The following RPS6KA2 variants were observed in gnomAD, a reference collection of about 807,000 sequenced individuals.
The protein encoded by RPS6KA2 is ribosomal protein S6 kinase alpha-2.
A neutral mutation model predicts 91.8 loss-of-function variants in RPS6KA2; 42 were observed. That is an observed-to-expected ratio of 0.46 (90% CI 0.36 to 0.59). The LOEUF (loss-of-function observed/expected upper bound fraction) is 0.59, where lower values mean the gene tolerates loss of function less well. Ranked by LOEUF, RPS6KA2 falls within the 20% of genes least tolerant of loss-of-function variation. The probability of loss-of-function intolerance (pLI) is 0.00; values close to 1 mark genes in which losing one functional copy is unlikely to be tolerated. For synonymous variants in RPS6KA2, 414 were observed against 393.6 expected, an observed-to-expected ratio of 1.05 and a Z score of -0.61; for missense variants, 798 against 978.5, an observed-to-expected ratio of 0.82 and a Z score of 2.46.
intron 2 of RPS6KA2, among the ~76,000 whole-genome samples, chr6:166,836,641 C>T (rs1385825619): frequency 6.6e-6 from 1 of 152,216 alleles, no homozygotes; most frequent in Non-Finnish European, 1.5e-5. Context: ...CTCACACACA[C>T]TGTCCACTCT....
At chr6:166,724,139 TGTATGA>T (rs1240498939) in intron 2 of RPS6KA2, among the ~76,000 whole-genome samples, 3 of 152,244 alleles carry the variant, frequency 2.0e-5, no homozygotes, top group Non-Finnish European at 4.4e-5. Context: ...GACATATGTA[TGTATGA>T]GTATATCAAA....
At chr6:166,661,898 A>G (rs1299785719) in intron 2 of RPS6KA2, among the ~76,000 whole-genome samples, 5 of 152,186 alleles carry the variant, frequency 3.3e-5, no homozygotes, top group Non-Finnish European at 7.3e-5. Context: ...TTCTTTACCC[A>G]TAGCCAACTT....
chr6:166,701,586 T>TA, intron 2 of RPS6KA2: 1 of 1,365,178 alleles, frequency 7.3e-7, no homozygotes, highest in Admixed American at 1.7e-5. Context: ...CTCTGACTGA[T>TA]AGAGCCGGGA....
chr6:166,817,108 T>C (rs1779785319), intron 2 of RPS6KA2, among the ~76,000 whole-genome samples: 1 of 152,168 alleles, frequency 6.6e-6, no homozygotes, highest in African/African-American at 2.4e-5. Flanking sequence ...TGAAAAGGAA[T>C]AGAGAAAATA....
At chr6:166,862,479 G>C in exon 1 of RPS6KA2, 1 of 868,970 alleles carries the variant, frequency 1.2e-6, no homozygotes, top group Non-Finnish European at 1.6e-6. Flanking sequence ...AGGAAAGGAG[G>C]GGACGGCGCT....
intron 2 of RPS6KA2, among the ~76,000 whole-genome samples, chr6:166,707,578 A>G (rs573377209): frequency 6.6e-6 from 1 of 152,302 alleles, no homozygotes; most frequent in South Asian, 2.1e-4. Context: ...GAAGGAGTGC[A>G]GAATCAAGGC....
chr6:166,436,294 C>T (rs562205420), intron 14 of RPS6KA2, among the ~76,000 whole-genome samples: 34 of 143,296 alleles, frequency 2.4e-4, no homozygotes, highest in East Asian at 6.2e-4. Flanking sequence ...AGCAGTAGAG[C>T]GTGTTTCAGT....
intron 6 of RPS6KA2, among the ~76,000 whole-genome samples, chr6:166,504,194 G>A (rs922941950): frequency 5.9e-5 from 9 of 152,238 alleles, no homozygotes; most frequent in African/African-American, 2.2e-4. Flanking sequence ...GGTCAGGGTC[G>A]TGGGCGTGCC....
At chr6:166,837,021 T>C (rs915938439) in intron 2 of RPS6KA2, among the ~76,000 whole-genome samples, 1 of 152,124 alleles carries the variant, frequency 6.6e-6, no homozygotes, top group African/African-American at 2.4e-5. Context: ...GGATTTCCAG[T>C]ACCCGCTGCA....
At chr6:166,475,320 C>T (rs1780929990) in intron 10 of RPS6KA2, among the ~76,000 whole-genome samples, 1 of 152,222 alleles carries the variant, frequency 6.6e-6, no homozygotes, top group African/African-American at 2.4e-5. Context: ...TCACCACACC[C>T]ACTGCGTACT....
intron 2 of RPS6KA2, among the ~76,000 whole-genome samples, chr6:166,803,531 C>T (rs1027687202): frequency 2.5e-4 from 38 of 152,230 alleles, no homozygotes; most frequent in Admixed American, 2.1e-3. Flanking sequence ...TTTAGAGCCC[C>T]GGAAATCCCG....
Position 166,847,996 on chromosome 6 carries a change from C to T in RPS6KA2, c.123+10204G>A, listed in dbSNP as rs113512305. 5.5e-3 allele frequency among the ~76,000 whole-genome samples: 830 copies of T among 152,288 alleles called. 10 individuals are homozygous for T. Among genetic ancestry groups the T allele is most frequent in the African/African-American group, 0.019 (781 of 41,566 alleles). ...GACAACCCACAGGGTGGAAGAAAAT[C>T]TTCACAACCTATACATCCAACAAAG... On this transcript the variant is annotated intron_variant, in intron 2 of 21. Transcript: ENST00000503859.
rs373627340 is a variant in RPS6KA2 at position 166,419,982 on chromosome 6, G to T, written c.1744-24C>A. 2 of 1,606,196 alleles carry T rather than the reference G, an allele frequency of 1.2e-6. No homozygotes were observed. The highest frequency in any genetic ancestry group is 1.3e-5 in the African/African-American group (1 of 74,794). ...ACCTAGGAGGGAACGACAGGACACC[G>T]GCACGCCCTTCACTAAGGACATTCA... is the stretch of plus-strand genomic sequence containing the variant. On this transcript the variant is annotated intron_variant, in intron 17 of 20. Coordinates refer to ENST00000265678, the MANE Select transcript of RPS6KA2 (RefSeq NM_021135.6). This position sits in a 1 kb window ranked among gnomAD's most constrained non-coding sequence, Gnocchi z 5.6.
intron 2 of RPS6KA2, among the ~76,000 whole-genome samples, chr6:166,722,270 G>A (rs1790197260): frequency 6.6e-6 from 1 of 152,160 alleles, no homozygotes; most frequent in South Asian, 2.1e-4. Flanking sequence ...ACGTGAGCTT[G>A]GAGACTGGAG....
chr6:166,646,923 C>T (rs1378849349), intron 2 of RPS6KA2, among the ~76,000 whole-genome samples: 2 of 152,102 alleles, frequency 1.3e-5, no homozygotes, highest in South Asian at 4.1e-4. Context: ...TGCCTTCGGC[C>T]GCCACTCCTC....
intron 19 of RPS6KA2, among the ~76,000 whole-genome samples, chr6:166,415,070 A>G (rs922053644): frequency 6.6e-6 from 1 of 152,200 alleles, no homozygotes; most frequent in Non-Finnish European, 1.5e-5. Context: ...ATCTCAAACA[A>G]ACAAACAAAC....
At chr6:166,844,440 A>G (rs996051372) in intron 2 of RPS6KA2, among the ~76,000 whole-genome samples, 1 of 152,220 alleles carries the variant, frequency 6.6e-6, no homozygotes, top group Non-Finnish European at 1.5e-5. Context: ...AGTTCATCAC[A>G]AAAAGATCAT....
chr6:166,841,206 T>C (rs1780469155), intron 2 of RPS6KA2, among the ~76,000 whole-genome samples: 1 of 151,840 alleles, frequency 6.6e-6, no homozygotes, highest in South Asian at 2.1e-4. Context: ...GAGGGTGAGA[T>C]TACACCGCTG....
intron 2 of RPS6KA2, among the ~76,000 whole-genome samples, chr6:166,738,710 G>A (rs1790734551): frequency 6.6e-6 from 1 of 152,206 alleles, no homozygotes. Flanking sequence ...TGGATACCAT[G>A]ACGTCTGCCA....
Sources: gnomAD v4.1 joint callset for allele counts (sites outside exome capture counted in the v4.1 genomes callset) on GRCh38, gnomAD v4.1.1 for gene constraint, Gnocchi (gnomAD v3.1) non-coding constraint, MANE v1.5 for transcripts, NCBI Gene and HGNC (gene_info 2026-07-23, HGNC 2026-07-21) for gene names.